The following SLC39A11 variants were observed in gnomAD, a reference collection of about 807,000 sequenced individuals.
The protein encoded by SLC39A11 is solute carrier family 39 member 11.
In SLC39A11, 33 loss-of-function variants were observed where a neutral mutation model predicts 36.1. That is an observed-to-expected ratio of 0.91 (90% CI 0.69 to 1.22). The LOEUF is 1.22. SLC39A11 is among the 50% of genes most tolerant of loss of function. The probability of loss-of-function intolerance (pLI) is 0.00; values close to 1 mark genes in which losing one functional copy is unlikely to be tolerated. For synonymous variants in SLC39A11, 166 were observed against 170.3 expected, an observed-to-expected ratio of 0.97 and a Z score of 0.20; for missense variants, 432 against 430.3, an observed-to-expected ratio of 1.00 and a Z score of -0.03.
intron 6 of SLC39A11, among the ~76,000 whole-genome samples, chr17:72,810,081 C>CAAA (rs2077385655): frequency 2.2e-5 from 1 of 45,910 alleles, no homozygotes; most frequent in Non-Finnish European, 4.2e-5. Context: ...AAAACAAAAA[C>CAAA]AACAAAAAAA....
chr17:72,650,833 A>G (rs2069815794), intron 7 of SLC39A11, among the ~76,000 whole-genome samples: 1 of 152,066 alleles, frequency 6.6e-6, no homozygotes, highest in South Asian at 2.1e-4. Flanking sequence ...CCTGCCTATG[A>G]CCTGCCCCAG....
intron 3 of SLC39A11, among the ~76,000 whole-genome samples, chr17:73,053,489 G>C (rs1480448799): frequency 3.3e-5 from 5 of 152,162 alleles, no homozygotes; most frequent in African/African-American, 1.2e-4. Context: ...ATGAGCATTT[G>C]CTATGTGTCA....
At chr17:72,807,142 T>A (rs1005799610) in intron 6 of SLC39A11, among the ~76,000 whole-genome samples, 1 of 152,250 alleles carries the variant, frequency 6.6e-6, no homozygotes, top group Admixed American at 6.5e-5. Context: ...ATTGATAGCA[T>A]CCTCTTCTTC....
intron 5 of SLC39A11, among the ~76,000 whole-genome samples, chr17:72,906,704 G>A (rs1420025505): frequency 2.0e-5 from 3 of 152,230 alleles, no homozygotes; most frequent in Admixed American, 2.0e-4. Flanking sequence ...TCCACTGGCA[G>A]AATTTCCTTA....
At chr17:72,670,558 C>A (rs754118983) in intron 7 of SLC39A11, among the ~76,000 whole-genome samples, 47 of 152,126 alleles carry the variant, frequency 3.1e-4, no homozygotes, top group Non-Finnish European at 6.2e-4. Flanking sequence ...TTCATCTCTT[C>A]CATTTAAGAA....
chr17:73,024,109 A>G (rs965242423), intron 4 of SLC39A11, among the ~76,000 whole-genome samples: 18 of 152,244 alleles, frequency 1.2e-4, no homozygotes, highest in African/African-American at 3.9e-4. Flanking sequence ...GTGAAGTAAA[A>G]GGTCCGACTG....
At chr17:72,732,448 A>G (rs1266898274) in intron 7 of SLC39A11, among the ~76,000 whole-genome samples, 1 of 152,164 alleles carries the variant, frequency 6.6e-6, no homozygotes, top group Non-Finnish European at 1.5e-5. Context: ...AGCGCCTCGC[A>G]TTTAGTCTCC....
At chr17:73,031,194 G>A (rs146763731) in intron 4 of SLC39A11, among the ~76,000 whole-genome samples, 154 of 151,836 alleles carry the variant, frequency 1.0e-3, no homozygotes, top group Admixed American at 2.0e-3. Context: ...TGGGGGTGGG[G>A]CGGGAGTATC....
chr17:72,982,610 C>G (rs998778291), intron 4 of SLC39A11, among the ~76,000 whole-genome samples: 1 of 151,616 alleles, frequency 6.6e-6, no homozygotes, highest in African/African-American at 2.4e-5. Context: ...GATTTTGTTT[C>G]TTTAAAGTGG....
chr17:72,798,127 G>C (rs913941473), intron 6 of SLC39A11, among the ~76,000 whole-genome samples: 1 of 152,090 alleles, frequency 6.6e-6, no homozygotes, highest in East Asian at 1.9e-4. Context: ...TTACTGGTGG[G>C]GAGGAGAGGA....
At chr17:72,914,302 C>T (rs576192654) in intron 5 of SLC39A11, among the ~76,000 whole-genome samples, 8 of 147,732 alleles carry the variant, frequency 5.4e-5, no homozygotes, top group African/African-American at 1.0e-4. Flanking sequence ...GACGACAGAG[C>T]GAGACTCCAT....
intron 6 of SLC39A11, among the ~76,000 whole-genome samples, chr17:72,809,346 G>T (rs1319966997): frequency 6.6e-6 from 1 of 152,040 alleles, no homozygotes; most frequent in African/African-American, 2.4e-5. Context: ...AGCGGCAATT[G>T]TTCTGTTATT....
chr17:72,743,012 A>G (rs1391342332), intron 6 of SLC39A11, among the ~76,000 whole-genome samples: 2 of 152,230 alleles, frequency 1.3e-5, no homozygotes, highest in African/African-American at 4.8e-5. Flanking sequence ...TAATGCAAAT[A>G]ATAGTGCAGC....
chr17:72,889,420 T>A (rs908734115), intron 5 of SLC39A11, among the ~76,000 whole-genome samples: 1 of 141,136 alleles, frequency 7.1e-6, no homozygotes, highest in Non-Finnish European at 1.6e-5. Flanking sequence ...AAAGCTGAGG[T>A]AGGAGAATTG....
chr17:72,890,261 T>C (rs1250321527), intron 5 of SLC39A11, among the ~76,000 whole-genome samples: 2 of 143,168 alleles, frequency 1.4e-5, no homozygotes, highest in Non-Finnish European at 3.0e-5. Context: ...TGAGACTCCA[T>C]CTCAAACAAA....
intron 6 of SLC39A11, among the ~76,000 whole-genome samples, chr17:72,826,813 C>A (rs539215775): frequency 6.6e-6 from 1 of 152,220 alleles, no homozygotes; most frequent in South Asian, 2.1e-4. Context: ...CACTTACAAC[C>A]ACTAGGATGG....
intron 5 of SLC39A11, among the ~76,000 whole-genome samples, chr17:72,866,474 C>T (rs1414827552): frequency 6.6e-6 from 1 of 152,082 alleles, no homozygotes; most frequent in Non-Finnish European, 1.5e-5. Context: ...CCCCACAACC[C>T]CCAGGTCTTT....
At chr17:72,855,813 C>T (rs1487020406) in intron 5 of SLC39A11, among the ~76,000 whole-genome samples, 1 of 151,842 alleles carries the variant, frequency 6.6e-6, no homozygotes, top group African/African-American at 2.4e-5. Context: ...AGGAGAATGG[C>T]GTGAACCCGG....
At chr17:73,063,994 C>T (rs1319278892) in intron 3 of SLC39A11, among the ~76,000 whole-genome samples, 2 of 152,100 alleles carry the variant, frequency 1.3e-5, no homozygotes, top group Admixed American at 1.3e-4. Context: ...GGAGAACTAA[C>T]TCATTTAGCT....
Sources: allele counts gnomAD v4.1 joint callset (sites outside exome capture counted in the v4.1 genomes callset), GRCh38; gene constraint gnomAD v4.1.1; transcripts MANE v1.5; gene names NCBI Gene and HGNC (gene_info 2026-07-23, HGNC 2026-07-21).